The following CERS5 variants were observed in gnomAD, a reference collection of about 807,000 sequenced individuals.
CERS5 encodes the protein LAG1 homolog, ceramide synthase 5.
In CERS5, 37 loss-of-function variants were observed where a neutral mutation model predicts 58.9. The ratio of observed to expected loss-of-function variants is 0.63; its 90% CI spans 0.48 to 0.83. The LOEUF (loss-of-function observed/expected upper bound fraction) is 0.83. Ranked by LOEUF, CERS5 falls within the 40% of genes least tolerant of loss-of-function variation. The pLI is 0.00. For synonymous variants in CERS5, 147 were observed against 177.8 expected (o/e 0.83, Z 1.38); for missense variants, 398 against 489.3 (o/e 0.81, Z 1.76).
At chr12:50,140,694 C>A (rs953612095) in intron 4 of CERS5, among the ~76,000 whole-genome samples, 8 of 152,136 alleles carry the variant, frequency 5.3e-5, no homozygotes, top group Non-Finnish European at 1.0e-4. Context: ...TTTACTGAGA[C>A]TTATTTTATG....
At position 50,132,836 on chromosome 12, in the gene CERS5, C is replaced by T. The variant is rs996392822; in HGVS notation, c.1029+1710G>A. ...CTGCAGCTCTAGTCAATAATGGCCC[C>T]GAAAAGTCAGGAGAGAGGGCATGCT... is the stretch of plus-strand genomic sequence containing the variant. On this transcript the variant is annotated intron_variant, in intron 9 of 9. Transcript: ENST00000317551. The T allele has an allele frequency of 1.9e-5, 22 of 1,151,892 alleles. No individual in the cohort carries two copies. The East Asian group carries it at 2.4e-4, about 13-fold the overall frequency. The allele number at this position is 1,151,892 out of a possible 1,614,324, so 71.4% of individuals were successfully genotyped here. A position where few individuals can be genotyped will look rare whatever the true frequency, so the allele number is the denominator to read the frequency against.
rs57651378 is a variant in CERS5 at position 50,140,284 on chromosome 12, A to ATT, written c.493-1669_493-1668dup. On this transcript the variant is annotated intron_variant, in intron 4 of 9. Transcript: ENST00000317551. ...TTGAGAAGAGTTGTTTAACTTCCAA[A>ATT]TTTTTTTTTTTTTTTTTTTTTTTTT... 4.6e-3 allele frequency among the ~76,000 whole-genome samples: 446 copies of ATT among 96,200 alleles called. 19 individuals are homozygous for ATT. Among genetic ancestry groups the ATT allele is most frequent in the African/African-American group, 0.015 (342 of 22,326 alleles). The allele number at this position is 96,200 out of a possible 152,430, so 63.1% of individuals were successfully genotyped here.
At chr12:50,140,476 A>G (rs946447893) in intron 4 of CERS5, among the ~76,000 whole-genome samples, 1 of 151,468 alleles carries the variant, frequency 6.6e-6, no homozygotes, top group African/African-American at 2.4e-5. Flanking sequence ...GTAGAGATAG[A>G]GTTTTGCCCT....
rs547828927 is a variant in CERS5 at position 50,144,479 on chromosome 12, C to T, written c.198-422G>A. The stretch of plus-strand genomic sequence containing the variant: ...CAGTGAGATAATGTATATGAAAGAC[C>T]CTGGCACAAAGGAGGTGATTAATAA... On this transcript the variant is annotated intron_variant, in intron 1 of 9. Coordinates refer to ENST00000317551, the MANE Select transcript of CERS5 (RefSeq NM_147190.5). 488 of 300,322 alleles carry T rather than the reference C, an allele frequency of 1.6e-3. 2 individuals are homozygous for T. The highest frequency in any genetic ancestry group is 3.0e-3 in the Middle Eastern group (3 of 984). 18.6% of individuals were successfully genotyped at this position (300,322 alleles called of 1,614,324 possible). A position where few individuals can be genotyped will look rare whatever the true frequency, so the allele number is the denominator to read the frequency against.
At chr12:50,134,774 G>C in intron 8 of CERS5, 72 bp from the exon 9 acceptor site, 1 of 1,402,848 alleles carries the variant, frequency 7.1e-7, no homozygotes, top group East Asian at 2.3e-5. Context: ...TGAGTCCTGG[G>C]GATGCAGAGC....
In CERS5 at chr12:50,138,568, T is replaced by C; in HGVS notation, c.542A>G (p.Gln181Arg). 6.2e-7 allele frequency: 1 copy of C among 1,613,598 alleles called. No homozygotes were observed. The highest frequency in any genetic ancestry group is 8.5e-7 in the Non-Finnish European group (1 of 1,179,598). Residue 181 changes from glutamine to arginine, a missense_variant and splice_region_variant, in exon 5 of 10, where the codon CAG (glutamine) becomes CGG (arginine). Around this residue, in one of 3 missense-constraint regions of CERS5, gnomAD observed 328 missense variants for 384.5 expected, o/e 0.85. Coordinates refer to ENST00000317551, the MANE Select transcript of CERS5 (RefSeq NM_147190.5). ...ATCCTGAAACGACTCAGATCCTACC[T>C]GAAATGGATAGTTATGCCAGCACTG... ...IRQCWHNYPF[Q>R]PLSSGLYHYY...
intron 9 of CERS5, among the ~76,000 whole-genome samples, chr12:50,131,678 C>A (rs1951335272): frequency 2.6e-5 from 4 of 151,818 alleles, no homozygotes; most frequent in African/African-American, 7.3e-5. Context: ...TCTAATCATG[C>A]TACCATCTGT....
chr12:50,138,926 T>A (rs578207810), intron 4 of CERS5, among the ~76,000 whole-genome samples: 3 of 152,198 alleles, frequency 2.0e-5, no homozygotes, highest in Non-Finnish European at 4.4e-5. Context: ...AAGAAAGATA[T>A]CTCCATGCCA....
At chr12:50,150,185 C>A (rs113716773) in intron 1 of CERS5, among the ~76,000 whole-genome samples, 1,606 of 152,202 alleles carry the variant, frequency 0.011, 33 homozygotes, top group African/African-American at 0.036. Flanking sequence ...CATGGTGAGA[C>A]CCCGTCTCTA....
At position 50,130,607 on chromosome 12, in the gene CERS5, A is replaced by G; in HGVS notation, c.1117T>C (p.Ser373Pro). ...TTCACCCGATTGGCACCATTGCTGGAGCTACTGTCACAGGGACTTTTTGTG... is the reference window on the plus strand; with the variant it reads ...TTCACCCGATTGGCACCATTGCTGGGGCTACTGTCACAGGGACTTTTTGTG... ...TCTKSPCDSS[S>P]SNGANRVNGH... The change falls in exon 10 of 10, where the codon TCC becomes CCC. Residue 373 changes from serine (S) to proline (P), a missense_variant. Transcript: ENST00000317551. The G allele has an allele frequency of 6.2e-7, 1 of 1,613,054 alleles. No homozygotes were observed. Among genetic ancestry groups the G allele is most frequent in the South Asian group, 1.1e-5 (1 of 91,018 alleles).
rs760562619 is a variant in CERS5, at chr12:50,135,966, T to C, written c.740A>G (p.His247Arg). 40 of 1,534,294 alleles carry C rather than the reference T, an allele frequency of 2.6e-5. No individual in the cohort carries two copies. The highest frequency in any genetic ancestry group is 2.9e-5 in the Non-Finnish European group (33 of 1,146,048). ...CTCCAGCAAGAAGTCTGAGACATCATGTAGACACATGATCAGAGTTCCCAC... is the reference window on the plus strand; with the variant it reads ...CTCCAGCAAGAAGTCTGAGACATCACGTAGACACATGATCAGAGTTCCCAC... The part of the protein sequence containing the change: ...VRVGTLIMCL[H>R]DVSDFLLEAA... Residue 247 changes from histidine (H) to arginine (R), a missense_variant, in exon 7 of 10, where the codon CAT becomes CGT. Transcript: ENST00000317551.
chr12:50,148,921 A>ATATATGTATAT (rs1218104568), intron 1 of CERS5, among the ~76,000 whole-genome samples: 1 of 78,978 alleles, frequency 1.3e-5, no homozygotes, highest in Non-Finnish European at 2.5e-5. Flanking sequence ...AAAAAAAAAA[A>ATATATGTATAT]AAAAAAATAT....
At chr12:50,148,942 A>ATGTGTG (rs1278925291) in intron 1 of CERS5, among the ~76,000 whole-genome samples, 4 of 130,030 alleles carry the variant, frequency 3.1e-5, no homozygotes, top group African/African-American at 1.2e-4. Context: ...ATATATATAT[A>ATGTGTG]TATATGTGTG....
chr12:50,161,772 G>A (rs1375287667), intron 1 of CERS5, among the ~76,000 whole-genome samples: 13 of 46,608 alleles, frequency 2.8e-4, no homozygotes, highest in African/African-American at 4.3e-4. Flanking sequence ...GTGAGACTCC[G>A]TCTCAAAAAA....
At position 50,156,420 on chromosome 12, in the gene CERS5, C is replaced by CTATATA. The variant is rs55762917; in HGVS notation, c.197+10675_197+10680dup. 7.5e-3 allele frequency among the ~76,000 whole-genome samples: 583 copies of CTATATA among 77,338 alleles called. 81 individuals carry two copies. Among genetic ancestry groups the CTATATA allele is most frequent in the African/African-American group, 0.029 (562 of 19,380 alleles). The allele number at this position is 77,338 out of a possible 152,430, so 50.7% of individuals were successfully genotyped here. On this transcript the variant is annotated intron_variant, in intron 1 of 9. Transcript: ENST00000317551. ...CTCTGTCTCAAAACAAACAAACAAA[C>CTATATA]TATATATATATATATATAAAACAAT...
At chr12:50,131,908 G>A (rs2137985536) in intron 9 of CERS5, among the ~76,000 whole-genome samples, 3 of 152,106 alleles carry the variant, frequency 2.0e-5, no homozygotes, top group Middle Eastern at 6.8e-3. Context: ...ACCAGCCTGG[G>A]CAACATGGAG....
chr12:50,132,630 G>C (rs1951390104), intron 9 of CERS5, among the ~76,000 whole-genome samples: 1 of 151,642 alleles, frequency 6.6e-6, no homozygotes, highest in South Asian at 2.1e-4. Flanking sequence ...GTGTTGGATG[G>C]GTCTTCTACA....
At chr12:50,143,000 T>G in intron 3 of CERS5, 74 bp downstream of exon 3, 1 of 1,481,914 alleles carries the variant, frequency 6.7e-7, no homozygotes, top group South Asian at 1.3e-5. Flanking sequence ...AGAAGTGATG[T>G]TCAAAACAGA....
chr12:50,131,962 G>A (rs1444726158), intron 9 of CERS5, among the ~76,000 whole-genome samples: 1 of 151,854 alleles, frequency 6.6e-6, no homozygotes, highest in African/African-American at 2.4e-5. Context: ...AAAATCAGTT[G>A]GGCATGGTGA....
Sources: allele counts gnomAD v4.1 joint callset (sites outside exome capture counted in the v4.1 genomes callset), GRCh38; gene constraint gnomAD v4.1.1; regional missense constraint gnomAD v4.1.1; transcripts MANE v1.5; gene names NCBI Gene and HGNC (gene_info 2026-07-23, HGNC 2026-07-21).